Variants in GRM1 observed in about 807,000 individuals in gnomAD.
The protein encoded by GRM1 is metabotropic glutamate receptor 1.
In GRM1, 33 loss-of-function variants were observed where a neutral mutation model predicts 90.9. The ratio of observed to expected loss-of-function variants is 0.36; its 90% CI spans 0.28 to 0.49. The LOEUF (loss-of-function observed/expected upper bound fraction) is 0.49. GRM1 is among the 20% of genes least tolerant of loss of function. The pLI is 0.99. For synonymous variants in GRM1, 700 were observed against 613.2 expected (o/e 1.14, Z -2.09); for missense variants, 1,190 against 1,534.3 (o/e 0.78, Z 3.75).
intron 1 of GRM1, among the ~76,000 whole-genome samples, chr6:146,113,971 A>T (rs1341489563): frequency 6.6e-6 from 1 of 152,126 alleles, no homozygotes; most frequent in Non-Finnish European, 1.5e-5. Flanking sequence ...GAACTGAGCC[A>T]TGTACTCCTC....
At chr6:146,341,852 G>A (rs1369327541) in intron 3 of GRM1, among the ~76,000 whole-genome samples, 1 of 152,166 alleles carries the variant, frequency 6.6e-6, no homozygotes. Flanking sequence ...ACAATTCCTT[G>A]TGGCACCTTA....
rs11454678 is a variant in GRM1, at chr6:146,280,788, T to TC, written c.951-23823_951-23822insC. Reference sequence around the variant, plus strand: ...CACTAACACCACCTAGCCCAGGTAATTTTTTTTTCTTTCATTTTTTGTAGA... The same window carrying TC: ...CACTAACACCACCTAGCCCAGGTAATCTTTTTTTTCTTTCATTTTTTGTAGA... On this transcript the variant is annotated intron_variant, in intron 2 of 7. Transcript: ENST00000282753. Among the ~76,000 whole-genome samples, 23 of 100,790 alleles carry TC rather than the reference T, an allele frequency of 2.3e-4. No homozygotes were observed. The African/African-American group carries it at 3.0e-3, about 13-fold the overall frequency. 66.1% of individuals were successfully genotyped at this position (100,790 alleles called of 152,430 possible). A position where few individuals can be genotyped will look rare whatever the true frequency, so the allele number is the denominator to read the frequency against.
chr6:146,251,900 C>T (rs906696328), intron 2 of GRM1, among the ~76,000 whole-genome samples: 2 of 152,124 alleles, frequency 1.3e-5, no homozygotes, highest in Non-Finnish European at 2.9e-5. Flanking sequence ...TTCTCTCTGC[C>T]TGAATTGCTC....
Position 146,434,089 on chromosome 6 carries a change from G to A in GRM1, c.2878G>A (p.Glu960Lys). 6.2e-7 allele frequency: 1 copy of A among 1,614,158 alleles called. No homozygotes were observed. Among genetic ancestry groups the A allele is most frequent in the Non-Finnish European group, 8.5e-7 (1 of 1,179,982 alleles). ...STKTLYNVEEEEDAQPIRFSP... is the reference protein window; with the variant it reads ...STKTLYNVEEKEDAQPIRFSP... The stretch of plus-strand genomic sequence containing the variant: ...CAAGACCCTTTACAACGTAGAGGAG[G>A]AGGAGGATGCCCAGCCGATTCGCTT... Residue 960 changes from glutamate to lysine, a missense_variant, in exon 8 of 8, where the codon GAG (glutamate) becomes AAG (lysine). By Grantham distance (56) the Glu-to-Lys change is moderately conservative. Transcript: ENST00000282753.
intron 3 of GRM1, among the ~76,000 whole-genome samples, chr6:146,346,740 T>A (rs1367225486): frequency 1.3e-5 from 2 of 152,342 alleles, no homozygotes; most frequent in Admixed American, 6.5e-5. Context: ...GAATCTGAAT[T>A]TCATTTTCTT....
At chr6:146,204,030 A>T (rs1410966607) in intron 2 of GRM1, among the ~76,000 whole-genome samples, 3 of 152,222 alleles carry the variant, frequency 2.0e-5, no homozygotes, top group African/African-American at 7.2e-5. Flanking sequence ...GTTATTTTTG[A>T]ATATAATGTT....
chr6:146,180,728 A>G (rs1778521052), intron 2 of GRM1, among the ~76,000 whole-genome samples: 1 of 151,976 alleles, frequency 6.6e-6, no homozygotes, highest in African/African-American at 2.4e-5. Context: ...TCTTCATAGG[A>G]CTTTCATTAG....
chr6:146,185,932 A>G (rs992913892), intron 2 of GRM1, among the ~76,000 whole-genome samples: 2 of 151,644 alleles, frequency 1.3e-5, no homozygotes, highest in African/African-American at 2.4e-5. Context: ...ACTTAGTGCT[A>G]TAGACATACT....
intron 2 of GRM1, among the ~76,000 whole-genome samples, chr6:146,291,100 G>A (rs374557556): frequency 6.6e-6 from 1 of 152,048 alleles, no homozygotes; most frequent in African/African-American, 2.4e-5. Context: ...TTTAAAATTG[G>A]CATTTGCCTT....
chr6:146,268,927 GC>G (rs1782013951), intron 2 of GRM1, among the ~76,000 whole-genome samples: 1 of 152,132 alleles, frequency 6.6e-6, no homozygotes, highest in Non-Finnish European at 1.5e-5. Context: ...ACACAAGACA[GC>G]CCAGAAATAA....
At chr6:146,251,435 A>C (rs919711647) in intron 2 of GRM1, among the ~76,000 whole-genome samples, 1 of 152,198 alleles carries the variant, frequency 6.6e-6, no homozygotes, top group Admixed American at 6.6e-5. Context: ...CACATTCACA[A>C]ATCAGCAGAC....
At position 146,434,570 on chromosome 6, in the gene GRM1, A is replaced by G. The variant is rs1230556538; in HGVS notation, c.3359A>G (p.Glu1120Gly). The change falls in exon 8 of 8, where the codon GAA becomes GGA. Residue 1120 changes from glutamate to glycine, a missense_variant. Physicochemically the swap from Glu to Gly is moderately conservative, Grantham distance 98. This residue lies in a region of GRM1 where 400 missense variants were observed against 360.8 expected (regional missense o/e 1.11). Transcript: ENST00000282753. The part of the protein sequence containing the change: ...VYEHEREGNT[E>G]EDELEEEEED... ...GAGCACGAGCGGGAAGGGAACACGG[A>G]AGAAGACGAACTGGAAGAGGAGGAG... 1 of 1,613,998 alleles carries G rather than the reference A, an allele frequency of 6.2e-7. No individual in the cohort carries two copies. The highest frequency in any genetic ancestry group is 2.2e-5 in the East Asian group (1 of 44,884).
At chr6:146,053,381 A>G (rs187790092) in intron 1 of GRM1, among the ~76,000 whole-genome samples, 1 of 152,116 alleles carries the variant, frequency 6.6e-6, no homozygotes, top group East Asian at 1.9e-4. Context: ...TTCAATAGAG[A>G]GCTTAAAACT....
intron 2 of GRM1, among the ~76,000 whole-genome samples, chr6:146,298,376 A>G (rs1384440582): frequency 5.9e-4 from 89 of 152,122 alleles, no homozygotes; most frequent in Non-Finnish European, 7.4e-5. Context: ...AGAGATCACT[A>G]AAAAATAGGT....
intron 2 of GRM1, among the ~76,000 whole-genome samples, chr6:146,259,464 T>C (rs1781602248): frequency 6.6e-6 from 1 of 152,170 alleles, no homozygotes; most frequent in Admixed American, 6.6e-5. Context: ...ACAACTCCTG[T>C]GCCCCGCTGG....
At chr6:146,365,644 A>AGG (rs1562641770) in intron 5 of GRM1, 1 of 152,192 alleles carries the variant, frequency 6.6e-6, no homozygotes, top group African/African-American at 2.4e-5. Flanking sequence ...AATGCAGGGT[A>AGG]CTCATCCTAC....
At chr6:146,317,885 G>A (rs1475298054) in intron 3 of GRM1, among the ~76,000 whole-genome samples, 2 of 152,152 alleles carry the variant, frequency 1.3e-5, no homozygotes, top group African/African-American at 4.8e-5. Flanking sequence ...CTCAGGGGAA[G>A]GGTATCTAAT....
At chr6:146,382,041 A>G (rs572153531) in intron 5 of GRM1, among the ~76,000 whole-genome samples, 1 of 152,308 alleles carries the variant, frequency 6.6e-6, no homozygotes, top group African/African-American at 2.4e-5. Context: ...TAACAAGCAT[A>G]GAACCATGTA....
At chr6:146,139,909 T>C (rs866981974) in intron 1 of GRM1, among the ~76,000 whole-genome samples, 1 of 99,232 alleles carries the variant, frequency 1.0e-5, no homozygotes, top group African/African-American at 4.3e-5. Flanking sequence ...TCCCTTCCCT[T>C]CCCTTCCCTC....
Sources: gnomAD v4.1 joint callset for allele counts (sites outside exome capture counted in the v4.1 genomes callset) on GRCh38, gnomAD v4.1.1 for gene constraint, gnomAD v4.1.1 regional missense constraint, MANE v1.5 for transcripts, NCBI Gene and HGNC (gene_info 2026-07-23, HGNC 2026-07-21) for gene names.